Variants in RAB33B observed in about 807,000 individuals in gnomAD.
RAB33B encodes the protein ras-related protein Rab-33B.
A neutral mutation model predicts 15.0 loss-of-function variants in RAB33B; 6 were observed. That is an observed-to-expected ratio of 0.40 (90% CI 0.22 to 0.79). RAB33B has a LOEUF of 0.79. RAB33B is among the 30% of genes least tolerant of loss of function. The pLI is 0.37. For missense variants in RAB33B, 257 were observed against 296.4 expected, an observed-to-expected ratio of 0.87 and a Z score of 0.98; for synonymous variants, 117 against 108.3, an observed-to-expected ratio of 1.08 and a Z score of -0.50.
chr4:139,464,100 AC>A (rs201423959), intron 1 of RAB33B, among the ~76,000 whole-genome samples: 1 of 151,648 alleles, frequency 6.6e-6, no homozygotes, highest in East Asian at 1.9e-4. Context: ...TAGTGTGACC[AC>A]CCCCCCACTG....
intron 1 of RAB33B, among the ~76,000 whole-genome samples, chr4:139,458,293 T>A (rs1484107483): frequency 6.6e-6 from 1 of 152,108 alleles, no homozygotes; most frequent in Non-Finnish European, 1.5e-5. Context: ...CTTTTTTTTT[T>A]AACACGTTTA....
At chr4:139,442,724 G>T in the RAB33B span, among the ~76,000 whole-genome samples, 1 of 152,146 alleles carries the variant, frequency 6.6e-6, no homozygotes, top group South Asian at 2.1e-4. Context: ...CTTGCAGATG[G>T]CCTATTGTGG....
chr4:139,443,871 T>C, the RAB33B span, among the ~76,000 whole-genome samples: 4 of 152,220 alleles, frequency 2.6e-5, no homozygotes, highest in African/African-American at 9.6e-5. Context: ...GAGGCAACAG[T>C]GATGGCCTCC....
rs535262921 is a variant in RAB33B, at chr4:139,474,497, C to A, written c.*1371C>A. 10 of 152,530 alleles carry A rather than the reference C, an allele frequency of 6.6e-5. No homozygotes were observed. Among genetic ancestry groups the A allele is most frequent in the African/African-American group, 2.4e-4 (10 of 41,566 alleles). 9.4% of individuals were successfully genotyped at this position (152,530 alleles called of 1,614,324 possible). ...ATGACTAAATGCCAAGTTAACAAAT[C>A]AACTTCCATTTGGATTGTAGGTGTG... On this transcript the variant is annotated 3_prime_UTR_variant, in exon 2 of 2. Transcript: ENST00000305626.
intron 1 of RAB33B, among the ~76,000 whole-genome samples, chr4:139,456,528 A>G (rs1036650085): frequency 9.9e-5 from 15 of 152,250 alleles, no homozygotes; most frequent in Admixed American, 8.5e-4. Flanking sequence ...AGACAGAACC[A>G]CAGGTATGAC....
intron 1 of RAB33B, among the ~76,000 whole-genome samples, chr4:139,465,507 G>A (rs13117781): frequency 0.2 from 31,151 of 151,978 alleles, 3,520 homozygotes; most frequent in Non-Finnish European, 0.26. Flanking sequence ...TTCTTCTAGC[G>A]TTTTTATGGT....
At chr4:139,464,401 T>TTTG (rs1554004091) in intron 1 of RAB33B, among the ~76,000 whole-genome samples, 1 of 149,348 alleles carries the variant, frequency 6.7e-6, no homozygotes, top group Non-Finnish European at 1.5e-5. Context: ...TTTTTTTTTT[T>TTTG]TTTTTTTTTT....
At chr4:139,464,386 GT>G (rs372330119) in intron 1 of RAB33B, among the ~76,000 whole-genome samples, 1,388 of 101,650 alleles carry the variant, frequency 0.014, 32 homozygotes, top group African/African-American at 0.043. Context: ...GAGGAATACT[GT>G]TTTTTTTTTT....
At chr4:139,452,301 G>A (rs1749942608), upstream of RAB33B, 1 of 152,190 alleles carries the variant, frequency 6.6e-6, no homozygotes, top group African/African-American at 2.4e-5. Context: ...GATTAAATTA[G>A]CAATACCCCA....
At chr4:139,438,606 T>C in the RAB33B span, among the ~76,000 whole-genome samples, 2 of 152,118 alleles carry the variant, frequency 1.3e-5, no homozygotes, top group Non-Finnish European at 2.9e-5. Flanking sequence ...CTTTTTTTTT[T>C]GGTCTGATGG....
chr4:139,467,469 G>A (rs948761575), intron 1 of RAB33B, among the ~76,000 whole-genome samples: 6 of 148,460 alleles, frequency 4.0e-5, no homozygotes, highest in Non-Finnish European at 8.9e-5. Flanking sequence ...TATTTATGGG[G>A]TACATTATAT....
At position 139,454,283 on chromosome 4, in the gene RAB33B, C is replaced by T. The variant is rs762497408; in HGVS notation, c.88C>T (p.Arg30Cys). The change falls in exon 1 of 2, where the codon CGC (arginine) becomes TGC (cysteine). Residue 30 changes from arginine (R) to cysteine (C), a missense_variant. Physicochemically the swap from Arg to Cys is radical, Grantham distance 180. Coordinates refer to ENST00000305626, the MANE Select transcript of RAB33B (RefSeq NM_031296.3). ...GGCCTCAGGGTTTTTGCCTCCTGCCCGCTCCCGCATCTTCAAGATAATCGT... is the reference window on the plus strand; with the variant it reads ...GGCCTCAGGGTTTTTGCCTCCTGCCTGCTCCCGCATCTTCAAGATAATCGT... ...SGASGFLPPA[R>C]SRIFKIIVIG... 14 of 1,614,120 alleles carry T rather than the reference C, an allele frequency of 8.7e-6. 1 individual carries two copies. In the South Asian group the frequency reaches 1.2e-4, roughly 14 times the overall value.
chr4:139,471,418 T>C (rs1404084656), intron 1 of RAB33B, among the ~76,000 whole-genome samples: 1 of 152,102 alleles, frequency 6.6e-6, no homozygotes, highest in African/African-American at 2.4e-5. Context: ...GGGGTGGGTG[T>C]TGGCAATTCA....
At chr4:139,470,220 T>G (rs1169868829) in intron 1 of RAB33B, among the ~76,000 whole-genome samples, 1 of 152,232 alleles carries the variant, frequency 6.6e-6, no homozygotes, top group African/African-American at 2.4e-5. Flanking sequence ...AGAAGTCTAC[T>G]TGGTGTTCTG....
intron 1 of RAB33B, among the ~76,000 whole-genome samples, chr4:139,459,255 T>A (rs934124663): frequency 2.6e-5 from 4 of 151,726 alleles, no homozygotes; most frequent in African/African-American, 9.7e-5. Flanking sequence ...GGCAACATAG[T>A]GAAGCCCCAT....
intron 1 of RAB33B, among the ~76,000 whole-genome samples, chr4:139,467,529 G>A (rs181669760): frequency 1.7e-4 from 26 of 151,510 alleles, no homozygotes; most frequent in Non-Finnish European, 2.8e-4. Context: ...GGAGAATGGG[G>A]TATTCATCCC....
At chr4:139,470,965 G>A (rs1042818004) in intron 1 of RAB33B, among the ~76,000 whole-genome samples, 1 of 152,044 alleles carries the variant, frequency 6.6e-6, no homozygotes, top group African/African-American at 2.4e-5. Context: ...CTCAAATGGA[G>A]GGAAGTGGTC....
chr4:139,464,959 G>A (rs1750254159), intron 1 of RAB33B, among the ~76,000 whole-genome samples: 1 of 152,126 alleles, frequency 6.6e-6, no homozygotes, highest in African/African-American at 2.4e-5. Context: ...TTGAGGAATC[G>A]CCACACTGTC....
the RAB33B span, among the ~76,000 whole-genome samples, chr4:139,444,256 A>G: frequency 6.6e-6 from 1 of 152,150 alleles, no homozygotes. Flanking sequence ...TAGCTGAAAT[A>G]TGGATTAAAA....
Sources: gnomAD v4.1 joint callset for allele counts (sites outside exome capture counted in the v4.1 genomes callset) on GRCh38, gnomAD v4.1.1 for gene constraint, MANE v1.5 for transcripts, NCBI Gene and HGNC (gene_info 2026-07-23, HGNC 2026-07-21) for gene names.